Variants in IFT140 observed in about 807,000 individuals in gnomAD.
The protein encoded by IFT140 is intraflagellar transport 140, also known as intraflagellar transport protein 140 homolog.
In IFT140, 133 loss-of-function variants were observed where a neutral mutation model predicts 164.6. The ratio of observed to expected loss-of-function variants is 0.81; its 90% CI spans 0.70 to 0.93. The LOEUF (loss-of-function observed/expected upper bound fraction) is 0.93. IFT140 is among the 40% of genes least tolerant of loss of function. The probability of loss-of-function intolerance (pLI) is 0.00; values close to 1 mark genes in which losing one functional copy is unlikely to be tolerated. For synonymous variants in IFT140, 860 were observed against 817.3 expected, an observed-to-expected ratio of 1.05 and a Z score of -0.89; for missense variants, 2,045 against 1,972.3, an observed-to-expected ratio of 1.04 and a Z score of -0.70.
At position 1,523,974 on chromosome 16, in the gene IFT140, G is replaced by A; in HGVS notation, c.3142-18C>T. On this transcript the variant is annotated intron_variant, in intron 24 of 30. Transcript: ENST00000426508. ...CCGTTCTCCTGCAGGGAGGGAGGCA[G>A]GGCCCTGAAGCGGCTCCCACTGGCT... 1 of 1,607,362 alleles carries A rather than the reference G, an allele frequency of 6.2e-7. No individual in the cohort carries two copies. The highest frequency in any genetic ancestry group is 8.5e-7 in the Non-Finnish European group (1 of 1,178,832).
intron 19 of IFT140, among the ~76,000 whole-genome samples, chr16:1,538,099 T>C (rs1001606108): frequency 6.6e-6 from 1 of 152,108 alleles, no homozygotes; most frequent in African/African-American, 2.4e-5. Context: ...GAACGCCAGC[T>C]CCAAACAGCT....
chr16:1,562,242 TG>T, intron 17 of IFT140, 126 bp from the exon 18 acceptor site: 1 of 725,140 alleles, frequency 1.4e-6, no homozygotes, highest in Non-Finnish European at 2.0e-6. Flanking sequence ...TGCGTCATGG[TG>T]GGGTCGGGTG....
Position 1,569,885 on chromosome 16 carries a change from G to GA in IFT140, c.1652+1521dup, listed in dbSNP as rs922550089. 4.1e-4 allele frequency among the ~76,000 whole-genome samples: 58 copies of GA among 142,152 alleles called. 1 individual carries two copies. The highest frequency in any genetic ancestry group is 6.7e-4 in the South Asian group (3 of 4,484). The allele number at this position is 142,152 out of a possible 152,430, so 93.3% of individuals were successfully genotyped here. A position where few individuals can be genotyped will look rare whatever the true frequency, so the allele number is the denominator to read the frequency against. On this transcript the variant is annotated intron_variant, in intron 14 of 30. Coordinates refer to ENST00000426508, the MANE Select transcript of IFT140 (RefSeq NM_014714.4). ...CTTGCAGGATGAAATGGGCCACCCA[G>GA]AAAAAAAAAAAATAATAAATAAATA...
intron 2 of IFT140, among the ~76,000 whole-genome samples, chr16:1,608,628 C>A (rs1385072804): frequency 8.3e-6 from 1 of 119,958 alleles, no homozygotes; most frequent in African/African-American, 3.2e-5. Context: ...TAGGACTCCG[C>A]CTCAAAAAAA....
At chr16:1,538,027 A>G (rs949139509) in intron 19 of IFT140, among the ~76,000 whole-genome samples, 1 of 151,556 alleles carries the variant, frequency 6.6e-6, no homozygotes, top group African/African-American at 2.4e-5. Flanking sequence ...ACAGCCACGC[A>G]GAGCCACGCA....
At chr16:1,540,772 G>A (rs1392134053) in intron 19 of IFT140, 6 of 929,932 alleles carry the variant, frequency 6.5e-6, no homozygotes, top group African/African-American at 3.6e-5. Flanking sequence ...ATTTAAAAAG[G>A]TGCAACTGTT....
intron 12 of IFT140, among the ~76,000 whole-genome samples, chr16:1,581,651 G>T (rs1227178653): frequency 6.7e-6 from 1 of 149,610 alleles, no homozygotes; most frequent in African/African-American, 2.5e-5. Context: ...AAATATCCCA[G>T]CACCTGCTGT....
intron 6 of IFT140, among the ~76,000 whole-genome samples, chr16:1,591,156 C>A (rs537475945): frequency 6.6e-6 from 1 of 152,232 alleles, no homozygotes; most frequent in Non-Finnish European, 1.5e-5. Flanking sequence ...GCAGCCCACA[C>A]GCCACCAGAG....
At chr16:1,521,563 AT>A (rs895633332) in intron 26 of IFT140, among the ~76,000 whole-genome samples, 3 of 150,340 alleles carry the variant, frequency 2.0e-5, no homozygotes, top group African/African-American at 7.3e-5. Flanking sequence ...TAATTTTGTA[AT>A]TTTTTTTAGT....
Position 1,558,066 on chromosome 16 carries a change from C to A in IFT140, c.2268G>T (p.Arg756Ser). Residue 756 changes from arginine to serine, a missense_variant, in exon 19 of 31, where the codon AGG (arginine) becomes AGT (serine). Arg to Ser is a moderately radical substitution (Grantham distance 110, BLOSUM62 -1). Coordinates refer to ENST00000426508, the MANE Select transcript of IFT140 (RefSeq NM_014714.4). Reference sequence around the variant, plus strand: ...GCCCCACAAAGTCTCGCAGGGGTCTCCTGGACACCATCTGAGGGATGTGGT... The same window carrying A: ...GCCCCACAAAGTCTCGCAGGGGTCTACTGGACACCATCTGAGGGATGTGGT... Reference protein sequence around the residue: ...GCHHIPQMVSRRPLRDFVGLE... With the variant: ...GCHHIPQMVSSRPLRDFVGLE... 1 of 1,614,146 alleles carries A rather than the reference C, an allele frequency of 6.2e-7. No individual in the cohort carries two copies. Among genetic ancestry groups the A allele is most frequent in the Non-Finnish European group, 8.5e-7 (1 of 1,180,042 alleles).
In IFT140 at chr16:1,533,058, G is replaced by T. The variant is rs4787283; in HGVS notation, c.2400-6262C>A. ...ATGACCTGGCCTCGAGGTCCTCCAA[G>T]TACAGGTCCCTGGCCCCGAGGTCCT... On this transcript the variant is annotated intron_variant, in intron 19 of 30. Transcript: ENST00000426508. This position sits in a 1 kb window ranked among gnomAD's most constrained non-coding sequence, Gnocchi z 4.7. 4,684 of 152,562 alleles carry T rather than the reference G, an allele frequency of 0.031. 117 individuals carry two copies. Among genetic ancestry groups the T allele is most frequent in the Admixed American group, 0.069 (1,051 of 15,286 alleles). The allele number at this position is 152,562 out of a possible 1,614,324, so 9.5% of individuals were successfully genotyped here.
chr16:1,553,586 A>G lies in IFT140; in HGVS notation c.2399+4349T>C. 1 of 1,023,170 alleles carries G rather than the reference A, an allele frequency of 9.8e-7. No homozygotes were observed. Among genetic ancestry groups the G allele is most frequent in the Non-Finnish European group, 1.2e-6 (1 of 851,146 alleles). 63.4% of individuals were successfully genotyped at this position (1,023,170 alleles called of 1,614,324 possible). On this transcript the variant is annotated intron_variant, in intron 19 of 30. Coordinates refer to ENST00000426508, the MANE Select transcript of IFT140 (RefSeq NM_014714.4). The surrounding 1 kb of genome is among the most constrained non-coding windows in gnomAD (Gnocchi z 4.4). ...TAATCTGGACCAGTGTAAGTTACAG[A>G]GAGTCTCTGGCACTTTGGGTACAAG... is the stretch of plus-strand genomic sequence containing the variant.
At chr16:1,597,214 G>A (rs772310053) in intron 4 of IFT140, among the ~76,000 whole-genome samples, 1 of 152,204 alleles carries the variant, frequency 6.6e-6, no homozygotes, top group Non-Finnish European at 1.5e-5. Context: ...CCCAGAAGGC[G>A]TGAGTGGCCT....
chr16:1,563,320 A>G (rs2141530094), intron 17 of IFT140, among the ~76,000 whole-genome samples: 1 of 150,446 alleles, frequency 6.6e-6, no homozygotes, highest in South Asian at 2.1e-4. Flanking sequence ...TTTGAGACGG[A>G]GTCTCACTCT....
chr16:1,566,102 G>T, intron 16 of IFT140, 59 bp downstream of exon 16: 1 of 1,576,182 alleles, frequency 6.3e-7, no homozygotes, highest in Non-Finnish European at 8.7e-7. Context: ...CCGCCCAGAA[G>T]CCGAGAAGTA....
At chr16:1,582,559 T>C (rs2034628918) in intron 12 of IFT140, among the ~76,000 whole-genome samples, 1 of 152,250 alleles carries the variant, frequency 6.6e-6, no homozygotes, top group African/African-American at 2.4e-5. Flanking sequence ...GGTCCTTTGC[T>C]ACAGCTGCCT....
intron 26 of IFT140, 150 bp downstream of exon 26, chr16:1,523,368 G>GT: frequency 1.4e-6 from 1 of 732,740 alleles, no homozygotes. Flanking sequence ...TGGGTGTGCC[G>GT]TATGTGAAAC....
In IFT140 at chr16:1,510,817, G is replaced by C. The variant is rs553238182; in HGVS notation, c.*127C>G. 2.5e-5 allele frequency: 23 copies of C among 903,226 alleles called. No individual in the cohort carries two copies. The African/African-American group carries it at 2.6e-4, about 10-fold the overall frequency. The allele number at this position is 903,226 out of a possible 1,614,324, so 56.0% of individuals were successfully genotyped here. A position where few individuals can be genotyped will look rare whatever the true frequency, so the allele number is the denominator to read the frequency against. ...GCCCGGGCCGCTGCGTTCTCGCCCA[G>C]CTCTGTCGCGTATTCCAACACAGAC... On this transcript the variant is annotated 3_prime_UTR_variant, in exon 31 of 31. Transcript: ENST00000426508.
chr16:1,565,675 T>G (rs2141562926), intron 16 of IFT140, among the ~76,000 whole-genome samples: 1 of 152,342 alleles, frequency 6.6e-6, no homozygotes, highest in Middle Eastern at 3.4e-3. Context: ...CTTTTGTGCT[T>G]CACTTTGTGC....
Sources: allele counts gnomAD v4.1 joint callset (sites outside exome capture counted in the v4.1 genomes callset), GRCh38; gene constraint gnomAD v4.1.1; non-coding constraint Gnocchi (gnomAD v3.1); transcripts MANE v1.5; gene names NCBI Gene and HGNC (gene_info 2026-07-23, HGNC 2026-07-21).